The following KLHL24 variants were observed in gnomAD, a reference collection of about 807,000 sequenced individuals.
The protein encoded by KLHL24 is kelch like family member 24, also known as kelch-like protein 24.
In KLHL24, 29 loss-of-function variants were observed where a neutral mutation model predicts 53.4. The ratio of observed to expected loss-of-function variants is 0.54; its 90% CI spans 0.40 to 0.74. KLHL24 has a LOEUF of 0.74. Among genes scored for constraint, KLHL24 ranks in the 30% least tolerant of loss-of-function variants. The pLI is 0.00. For missense variants in KLHL24, 504 were observed against 744.0 expected, an observed-to-expected ratio of 0.68 and a Z score of 3.75; for synonymous variants, 222 against 253.7, an observed-to-expected ratio of 0.88 and a Z score of 1.19.
At chr3:183,670,230 A>G (rs1165201561) in intron 5 of KLHL24, among the ~76,000 whole-genome samples, 2 of 152,272 alleles carry the variant, frequency 1.3e-5, no homozygotes, top group East Asian at 3.9e-4. Context: ...ATGCCACTGC[A>G]CTCCAGCCTG....
chr3:183,657,930 T>C (rs1000503733), intron 3 of KLHL24, among the ~76,000 whole-genome samples: 3 of 152,162 alleles, frequency 2.0e-5, no homozygotes, highest in African/African-American at 4.8e-5. Context: ...ATTCTTTGTA[T>C]AGCTGGGCAT....
At chr3:183,665,859 C>A (rs1720475950) in intron 5 of KLHL24, among the ~76,000 whole-genome samples, 1 of 151,522 alleles carries the variant, frequency 6.6e-6, no homozygotes, top group African/African-American at 2.4e-5. Flanking sequence ...AAACCATCTA[C>A]TGTCTGTAGG....
intron 2 of KLHL24, among the ~76,000 whole-genome samples, chr3:183,649,331 C>T (rs1377654580): frequency 6.6e-6 from 1 of 152,076 alleles, no homozygotes; most frequent in Non-Finnish European, 1.5e-5. Flanking sequence ...TTCCCCATGT[C>T]GTTAAATAGT....
intron 7 of KLHL24, among the ~76,000 whole-genome samples, chr3:183,674,506 G>A (rs1267460778): frequency 4.6e-5 from 7 of 151,566 alleles, no homozygotes; most frequent in Admixed American, 6.6e-5. Flanking sequence ...AATTACAGGC[G>A]CCCACCACCA....
At chr3:183,656,108 G>C (rs1033780486) in intron 3 of KLHL24, among the ~76,000 whole-genome samples, 13 of 131,788 alleles carry the variant, frequency 9.9e-5, no homozygotes, top group Non-Finnish European at 1.8e-4. Context: ...GTGTAGTGGT[G>C]CCATCATGGC....
intron 3 of KLHL24, among the ~76,000 whole-genome samples, chr3:183,654,879 A>G (rs1718631144): frequency 6.6e-6 from 1 of 152,218 alleles, no homozygotes; most frequent in Admixed American, 6.5e-5. Flanking sequence ...AGTTAGATGA[A>G]TATAAGTTAA....
rs777692574 is a variant in KLHL24, at chr3:183,671,034, G to A, written c.1225G>A (p.Val409Ile). 1.2e-6 allele frequency: 2 copies of A among 1,600,862 alleles called. No individual in the cohort carries two copies. The highest frequency in any genetic ancestry group is 1.1e-5 in the South Asian group (1 of 90,732). The change falls in exon 6 of 8, where the codon GTA becomes ATA. Residue 409 changes from valine to isoleucine, a missense_variant and splice_region_variant. Transcript: ENST00000242810. Reference sequence around the variant, plus strand: ...ATTTTTCCATGTATTTTACATATAGGTATATGTTGTCGGTGGCTATGATGG... The same window carrying A: ...ATTTTTCCATGTATTTTACATATAGATATATGTTGTCGGTGGCTATGATGG... ...RHKMAVLLGK[V>I]YVVGGYDGQN...
At chr3:183,672,644 C>T (rs1421988432) in intron 7 of KLHL24, 160 bp downstream of exon 7, 1 of 423,820 alleles carries the variant, frequency 2.4e-6, no homozygotes, top group Non-Finnish European at 4.1e-6. Flanking sequence ...GTGGATAGAT[C>T]ACTTGAGGTC....
chr3:183,678,619 C>G (rs1478059023), intron 7 of KLHL24, among the ~76,000 whole-genome samples: 1 of 151,756 alleles, frequency 6.6e-6, no homozygotes, highest in African/African-American at 2.4e-5. Flanking sequence ...TTTCATCATT[C>G]AGTTCTTAAG....
At chr3:183,667,074 T>C (rs1391113029) in intron 5 of KLHL24, among the ~76,000 whole-genome samples, 1 of 152,152 alleles carries the variant, frequency 6.6e-6, no homozygotes, top group African/African-American at 2.4e-5. Context: ...CCCTTCTTGG[T>C]CAGCCTCTTA....
chr3:183,670,797 C>T lies in KLHL24; in HGVS notation c.1225-237C>T, dbSNP rs1470112005. Among the ~76,000 whole-genome samples the T allele has an allele frequency of 3.9e-5, 6 of 152,162 alleles. No homozygotes were observed. The East Asian group carries it at 1.2e-3, about 29-fold the overall frequency. ...GATACACAATTTCTCTGTGGTATTA[C>T]AATTTTATTGAGGGAAGACTATTAG... On this transcript the variant is annotated intron_variant, in intron 5 of 7. Transcript: ENST00000242810.
rs138032861 is a variant in KLHL24, at chr3:183,682,860, T to C, written c.*3574T>C. On this transcript the variant is annotated 3_prime_UTR_variant, in exon 8 of 8. Coordinates refer to ENST00000242810, the MANE Select transcript of KLHL24 (RefSeq NM_017644.3). ...GAACCCATATATGAAAAGAGAGGAG[T>C]TGAATTGTGTGTGCCTTTTATGTCT... 1 of 151,328 alleles carries C rather than the reference T, an allele frequency of 6.6e-6. No individual in the cohort carries two copies. The highest frequency in any genetic ancestry group is 1.5e-5 in the Non-Finnish European group (1 of 67,816). 9.4% of individuals were successfully genotyped at this position (151,328 alleles called of 1,614,324 possible). A position where few individuals can be genotyped will look rare whatever the true frequency, so the allele number is the denominator to read the frequency against.
intron 3 of KLHL24, among the ~76,000 whole-genome samples, chr3:183,659,830 GACA>G (rs1719455074): frequency 6.6e-6 from 1 of 152,210 alleles, no homozygotes; most frequent in Non-Finnish European, 1.5e-5. Flanking sequence ...GATGTAGCCA[GACA>G]ACATTTTGTG....
rs2108797637 is a variant in KLHL24 at position 183,651,104 on chromosome 3, G to A, written c.748G>A (p.Glu250Lys). 1.2e-6 allele frequency: 2 copies of A among 1,614,120 alleles called. No individual in the cohort carries two copies. Among genetic ancestry groups the A allele is most frequent in the South Asian group, 1.1e-5 (1 of 91,078 alleles). Residue 250 changes from glutamate (E) to lysine (K), a missense_variant, in exon 3 of 8, where the codon GAG becomes AAG. Physicochemically the swap from Glu to Lys is moderately conservative, Grantham distance 56. Transcript: ENST00000242810. ...TGATCTGAGAAGACCACTGTTACAC[G>A]AGCTCCTGACACATGTGAGACTCCC... is the stretch of plus-strand genomic sequence containing the variant. ...AVDLRRPLLHELLTHVRLPLL... is the reference protein window; with the variant it reads ...AVDLRRPLLHKLLTHVRLPLL...
intron 5 of KLHL24, among the ~76,000 whole-genome samples, chr3:183,667,871 C>T (rs549478427): frequency 6.6e-6 from 1 of 151,858 alleles, no homozygotes; most frequent in Non-Finnish European, 1.5e-5. Flanking sequence ...CACACACCAT[C>T]ACACCTAATT....
intron 2 of KLHL24, among the ~76,000 whole-genome samples, chr3:183,649,615 A>G (rs546121975): frequency 2.8e-4 from 43 of 152,168 alleles, no homozygotes; most frequent in African/African-American, 9.6e-4. Context: ...GGAATTCTAT[A>G]TTAAGATAAT....
At chr3:183,639,432 C>T (rs576528432) in intron 1 of KLHL24, among the ~76,000 whole-genome samples, 3 of 151,660 alleles carry the variant, frequency 2.0e-5, no homozygotes, top group South Asian at 4.2e-4. Flanking sequence ...AGATCAAGAC[C>T]ATCCTGGCTA....
chr3:183,646,976 A>AT (rs34105624), intron 2 of KLHL24, among the ~76,000 whole-genome samples: 11,625 of 133,744 alleles, frequency 0.087, 1,100 homozygotes, highest in African/African-American at 0.23. Context: ...CGCCCAGCTA[A>AT]TTTTTTTTTT....
intron 3 of KLHL24, among the ~76,000 whole-genome samples, chr3:183,656,037 CT>C (rs760140064): frequency 8.9e-4 from 81 of 90,880 alleles, no homozygotes; most frequent in South Asian, 3.2e-3. Flanking sequence ...CCCTTAGCAT[CT>C]TTTTTTTTTT....
Sources: gnomAD v4.1 joint callset for allele counts (sites outside exome capture counted in the v4.1 genomes callset) on GRCh38, gnomAD v4.1.1 for gene constraint, MANE v1.5 for transcripts, NCBI Gene and HGNC (gene_info 2026-07-23, HGNC 2026-07-21) for gene names.